ADAMTS9: variants seen among roughly 807,000 people sequenced by gnomAD.
The protein encoded by ADAMTS9 is ADAM metallopeptidase with thrombospondin type 1 motif 9, also known as A disintegrin and metalloproteinase with thrombospondin motifs 9.
Under a neutral mutation model 257.1 loss-of-function variants are expected in ADAMTS9, and 107 were observed. That is an observed-to-expected ratio of 0.42 (90% confidence interval 0.36 to 0.49). The LOEUF is 0.49. Among genes scored for constraint, ADAMTS9 ranks in the 20% least tolerant of loss-of-function variants. The pLI is 0.03. For missense variants in ADAMTS9, 2,353 were observed against 2,469.1 expected, an observed-to-expected ratio of 0.95 and a Z score of 1.00; for synonymous variants, 982 against 880.9, an observed-to-expected ratio of 1.11 and a Z score of -2.03.
intron 30 of ADAMTS9, among the ~76,000 whole-genome samples, chr3:64,560,205 C>G (rs973748254): frequency 2.0e-5 from 3 of 152,186 alleles, no homozygotes; most frequent in South Asian, 2.1e-4. Context: ...TGAACCAAGT[C>G]TGTAGAATTT....
chr3:64,571,305 G>A (rs184695144), intron 28 of ADAMTS9, among the ~76,000 whole-genome samples: 220 of 152,312 alleles, frequency 1.4e-3, no homozygotes, highest in African/African-American at 5.1e-3. Context: ...TATTAGTGGA[G>A]ACAATTGGTG....
At chr3:64,546,724 G>A in intron 32 of ADAMTS9, 34 bp downstream of exon 32, 6 of 1,552,012 alleles carry the variant, frequency 3.9e-6, no homozygotes, top group African/African-American at 1.4e-5. Flanking sequence ...AGATCCAAGG[G>A]CTTTCAGATT....
chr3:64,551,048 G>A lies in ADAMTS9; in HGVS notation c.4713C>T (p.Cys1571=), dbSNP rs368887757. 2.0e-5 allele frequency: 33 copies of A among 1,614,104 alleles called. No individual in the cohort carries two copies. Among genetic ancestry groups the A allele is most frequent in the African/African-American group, 1.3e-4 (10 of 75,044 alleles). Residue 1571 remains cysteine (C), a synonymous_variant, in exon 31 of 40, where the codon TGC becomes TGT. Transcript: ENST00000498707. ...CCTTGCGGTACCTGGAGCCTTCGCC[G>A]CAGGTCTTGGTGCACTGTTAAATAC... ...AEEWQECTKT[C]GEGSRYRKVV...
At chr3:64,552,382 G>A (rs1265172359) in intron 30 of ADAMTS9, among the ~76,000 whole-genome samples, 1 of 152,100 alleles carries the variant, frequency 6.6e-6, no homozygotes, top group Non-Finnish European at 1.5e-5. Flanking sequence ...AAAGCCTATT[G>A]TATCTAAAGC....
chr3:64,643,058 T>C (rs1453058055), intron 11 of ADAMTS9, among the ~76,000 whole-genome samples: 1 of 152,154 alleles, frequency 6.6e-6, no homozygotes, highest in Non-Finnish European at 1.5e-5. Flanking sequence ...CCTCTTACAG[T>C]ATCTGAGGGC....
intron 4 of ADAMTS9, among the ~76,000 whole-genome samples, chr3:64,657,269 C>T (rs1389270011): frequency 6.6e-6 from 1 of 152,040 alleles, no homozygotes; most frequent in African/African-American, 2.4e-5. Context: ...TGTGAAATAT[C>T]TCATTAATAA....
chr3:64,602,859 T>A (rs1484304238), intron 25 of ADAMTS9, among the ~76,000 whole-genome samples: 1 of 152,204 alleles, frequency 6.6e-6, no homozygotes, highest in East Asian at 1.9e-4. Context: ...ATTGACTGGA[T>A]CATCCATTGG....
intron 22 of ADAMTS9, among the ~76,000 whole-genome samples, chr3:64,608,625 T>C (rs1029985340): frequency 6.6e-6 from 1 of 151,742 alleles, no homozygotes; most frequent in African/African-American, 2.4e-5. Flanking sequence ...ATATAAGAAG[T>C]AAAATGACTG....
At chr3:64,656,221 T>C (rs1391194628) in intron 4 of ADAMTS9, among the ~76,000 whole-genome samples, 1 of 152,198 alleles carries the variant, frequency 6.6e-6, no homozygotes, top group East Asian at 1.9e-4. Context: ...GAATCTCACA[T>C]TGGGTGCACG....
rs564256820 is a variant in ADAMTS9, at chr3:64,624,141, T to C, written c.2390-1555A>G. Among the ~76,000 whole-genome samples the C allele has an allele frequency of 3.3e-5, 5 of 151,924 alleles. 1 individual carries two copies. The South Asian group carries it at 8.3e-4, about 25-fold the overall frequency. ...GCAAGATGAATACATTCTGGAGATC[T>C]AGTATACAGCAATGTGACTATAGTT... is the stretch of plus-strand genomic sequence containing the variant. On this transcript the variant is annotated intron_variant, in intron 16 of 39. Transcript: ENST00000498707.
chr3:64,550,707 C>G (rs1240158842), intron 31 of ADAMTS9, 185 bp downstream of exon 31: 5 of 663,406 alleles, frequency 7.5e-6, no homozygotes, highest in African/African-American at 1.8e-5. Flanking sequence ...ATCTCTCCCG[C>G]TTTGCATACA....
Position 64,624,636 on chromosome 3 carries a change from A to C in ADAMTS9, c.2390-2050T>G, listed in dbSNP as rs77135736. ...GACTCCCTTTCAGATTTCACTGTTAAATCCAGACTTTCAGTCAAGAATATA... is the reference window on the plus strand; with the variant it reads ...GACTCCCTTTCAGATTTCACTGTTACATCCAGACTTTCAGTCAAGAATATA... On this transcript the variant is annotated intron_variant, in intron 16 of 39. Transcript: ENST00000498707. Among the ~76,000 whole-genome samples the C allele has an allele frequency of 3.3e-3, 509 of 152,322 alleles. 12 individuals are homozygous for C. The East Asian group carries it at 0.045, about 13-fold the overall frequency.
intron 19 of ADAMTS9, 124 bp downstream of exon 19, chr3:64,620,990 T>C: frequency 1.6e-6 from 2 of 1,246,730 alleles, no homozygotes; most frequent in Non-Finnish European, 2.2e-6. Flanking sequence ...TTAAAGCTTA[T>C]TTCACTGAAA....
intron 37 of ADAMTS9, among the ~76,000 whole-genome samples, chr3:64,538,541 TTC>T (rs933024083): frequency 6.6e-6 from 1 of 152,158 alleles, no homozygotes; most frequent in African/African-American, 2.4e-5. Context: ...TCCAGACTTT[TTC>T]TGTTTATACA....
chr3:64,610,886 C>A (rs931060689), intron 22 of ADAMTS9, among the ~76,000 whole-genome samples: 7 of 151,838 alleles, frequency 4.6e-5, no homozygotes, highest in Admixed American at 4.6e-4. Context: ...ACCATCTTGG[C>A]TAACACGGTG....
intron 28 of ADAMTS9, among the ~76,000 whole-genome samples, chr3:64,592,933 G>A (rs1282408129): frequency 6.6e-6 from 1 of 152,096 alleles, no homozygotes; most frequent in Non-Finnish European, 1.5e-5. Context: ...ATATATAATA[G>A]GAGATGAGGG....
chr3:64,611,261 T>A (rs1331909869), intron 22 of ADAMTS9, among the ~76,000 whole-genome samples: 2 of 152,108 alleles, frequency 1.3e-5, no homozygotes, highest in Non-Finnish European at 2.9e-5. Context: ...CATTGAGGGA[T>A]AAATGGATAA....
At chr3:64,536,686 T>A (rs2083054133) in intron 37 of ADAMTS9, among the ~76,000 whole-genome samples, 2 of 152,198 alleles carry the variant, frequency 1.3e-5, no homozygotes, top group South Asian at 4.2e-4. Context: ...AAAGGAGGCA[T>A]TTTCATAGAA....
intron 3 of ADAMTS9, among the ~76,000 whole-genome samples, chr3:64,668,468 T>A (rs1701403403): frequency 1.3e-5 from 2 of 152,048 alleles, no homozygotes; most frequent in South Asian, 4.2e-4. Flanking sequence ...GAGAGACCCG[T>A]GTGTAAATCC....
Sources: allele counts gnomAD v4.1 joint callset (sites outside exome capture counted in the v4.1 genomes callset), GRCh38; gene constraint gnomAD v4.1.1; transcripts MANE v1.5; gene names NCBI Gene and HGNC (gene_info 2026-07-23, HGNC 2026-07-21).